PFN2: variants seen among roughly 807,000 people sequenced by gnomAD.
PFN2 encodes profilin 2, also known as profilin-2.
A neutral mutation model predicts 15.3 loss-of-function variants in PFN2; 8 were observed. The observed-to-expected ratio is 0.52, with a 90% CI of 0.31 to 0.95. The LOEUF (loss-of-function observed/expected upper bound fraction) is 0.95, where lower values mean the gene tolerates loss of function less well. Among genes scored for constraint, PFN2 ranks in the 40% least tolerant of loss-of-function variants. The pLI is 0.05. For synonymous variants in PFN2, 79 were observed against 67.9 expected (o/e 1.16, Z -0.81); for missense variants, 111 against 182.3 (o/e 0.61, Z 2.25).
Position 149,970,726 on chromosome 3 carries a change from G to A in PFN2, c.131C>T (p.Thr44Met). Residue 44 changes from threonine to methionine, a missense_variant and splice_region_variant, in exon 1 of 3, where the codon ACG becomes ATG. Transcript: ENST00000239940. ...ATAGGVFQSI[T>M]PIEIDMIVGK... ...GTACCGGCCGCCACTGGTCCTCACC[G>A]TAATGCTCTGAAAGACGCCCCCGGC... 2.0e-6 allele frequency: 3 copies of A among 1,514,318 alleles called. No homozygotes were observed. The highest frequency in any genetic ancestry group is 2.7e-6 in the Non-Finnish European group (3 of 1,127,434). 93.8% of individuals were successfully genotyped at this position (1,514,318 alleles called of 1,614,324 possible). A position where few individuals can be genotyped will look rare whatever the true frequency, so the allele number is the denominator to read the frequency against.
chr3:149,966,713 GAAGTC>G, intron 2 of PFN2, 127 bp from the exon 3 acceptor site: 1 of 714,652 alleles, frequency 1.4e-6, no homozygotes. Context: ...GCCAAGCACT[GAAGTC>G]AAGTAGGTTT....
chr3:149,966,930 C>T (rs1270928186), intron 2 of PFN2, among the ~76,000 whole-genome samples: 1 of 151,192 alleles, frequency 6.6e-6, no homozygotes, highest in East Asian at 1.9e-4. Flanking sequence ...TACTTGCCCC[C>T]AAAATATAAA....
intron 1 of PFN2, 135 bp from the exon 2 acceptor site, chr3:149,968,685 T>C (rs1722758605): frequency 6.1e-6 from 4 of 660,430 alleles, no homozygotes; most frequent in East Asian, 2.6e-5. Context: ...ATTTCACTAA[T>C]GTAAAACCAA....
In PFN2 at chr3:149,965,006, C is replaced by A; in HGVS notation, c.*1483G>T. 1 of 508,660 alleles carries A rather than the reference C, an allele frequency of 2.0e-6. No individual in the cohort carries two copies. The highest frequency in any genetic ancestry group is 3.7e-5 in the Admixed American group (1 of 26,816). The allele number at this position is 508,660 out of a possible 1,614,324, so 31.5% of individuals were successfully genotyped here. A position where few individuals can be genotyped will look rare whatever the true frequency, so the allele number is the denominator to read the frequency against. ...AAATCAGATGAGTTAGACTGTATCC[C>A]AGATGTAACAAAGTGCAGGGAAAGA... On this transcript the variant is annotated 3_prime_UTR_variant, in exon 3 of 3. Coordinates refer to ENST00000239940, the MANE Select transcript of PFN2 (RefSeq NM_053024.4).
At position 149,966,212 on chromosome 3, in the gene PFN2, CTTG is replaced by C; in HGVS notation, c.*274_*276del. The C allele has an allele frequency of 6.2e-7, 1 of 1,613,726 alleles. No individual in the cohort carries two copies. Among genetic ancestry groups the C allele is most frequent in the South Asian group, 1.1e-5 (1 of 91,072 alleles). On this transcript the variant is annotated 3_prime_UTR_variant, in exon 3 of 3. Transcript: ENST00000239940. ...GGTATAAAGCGAGTTCATATGCTTT[CTTG>C]TTAAGTGTGCCTCCGTGGACACCTT...
intron 1 of PFN2, among the ~76,000 whole-genome samples, chr3:149,970,014 G>A (rs1722804504): frequency 6.7e-6 from 1 of 148,934 alleles, no homozygotes; most frequent in African/African-American, 2.5e-5. Flanking sequence ...CATATGAGAA[G>A]AGAAATCAAT....
intron 2 of PFN2, among the ~76,000 whole-genome samples, chr3:149,967,537 C>G (rs1438485514): frequency 6.6e-6 from 1 of 152,196 alleles, no homozygotes; most frequent in Admixed American, 6.5e-5. Flanking sequence ...CATGGTAGAG[C>G]TGTTATTAAA....
At position 149,965,331 on chromosome 3, in the gene PFN2, T is replaced by C; in HGVS notation, c.*1158A>G. 1 of 1,524,220 alleles carries C rather than the reference T, an allele frequency of 6.6e-7. No individual in the cohort carries two copies. Among genetic ancestry groups the C allele is most frequent in the South Asian group, 1.2e-5 (1 of 81,388 alleles). The allele number at this position is 1,524,220 out of a possible 1,614,324, so 94.4% of individuals were successfully genotyped here. ...AAGAACAAACTGGACACACTCCAGA[T>C]GGTTATGTTGGGATACCTAATGTCC... is the stretch of plus-strand genomic sequence containing the variant. On this transcript the variant is annotated 3_prime_UTR_variant, in exon 3 of 3. Coordinates refer to ENST00000239940, the MANE Select transcript of PFN2 (RefSeq NM_053024.4).
Position 149,970,793 on chromosome 3 carries a change from T to C in PFN2, c.64A>G (p.Ile22Val). 6 of 1,513,586 alleles carry C rather than the reference T, an allele frequency of 4.0e-6. No homozygotes were observed. The highest frequency in any genetic ancestry group is 4.4e-6 in the Non-Finnish European group (5 of 1,127,554). The allele number at this position is 1,513,586 out of a possible 1,614,324, so 93.8% of individuals were successfully genotyped here. Residue 22 changes from isoleucine (I) to valine (V), a missense_variant, in exon 1 of 3, where the codon ATT becomes GTT. This residue lies in a region of PFN2 where 64 missense variants were observed against 69.7 expected (regional missense o/e 0.92). Transcript: ENST00000239940. Reference sequence around the variant, plus strand: ...TATTTGGCGTCGCAGTAGCCGACAATGGCGGCCTCCTGGCAGCAGCCATCG... The same window carrying C: ...TATTTGGCGTCGCAGTAGCCGACAACGGCGGCCTCCTGGCAGCAGCCATCG... ...MCDGCCQEAA[I>V]VGYCDAKYVW...
Position 149,970,779 on chromosome 3 carries a change from G to A in PFN2, c.78C>T (p.Cys26=). 2 of 1,516,356 alleles carry A rather than the reference G, an allele frequency of 1.3e-6. No homozygotes were observed. The highest frequency in any genetic ancestry group is 2.7e-5 in the East Asian group (1 of 36,748). 93.9% of individuals were successfully genotyped at this position (1,516,356 alleles called of 1,614,324 possible). The part of the protein sequence containing the change: ...CCQEAAIVGY[C]DAKYVWAATA... ...TGGCTGCCCAGACGTATTTGGCGTC[G>A]CAGTAGCCGACAATGGCGGCCTCCT... Residue 26 remains cysteine (C), a synonymous_variant, in exon 1 of 3, where the codon TGC becomes TGT. Coordinates refer to ENST00000239940, the MANE Select transcript of PFN2 (RefSeq NM_053024.4).
chr3:149,967,349 G>A (rs1239439368), intron 2 of PFN2, among the ~76,000 whole-genome samples: 2 of 152,138 alleles, frequency 1.3e-5, no homozygotes, highest in Non-Finnish European at 2.9e-5. Context: ...CTTCTTTTCA[G>A]CGTATAGTGC....
Position 149,966,499 on chromosome 3 carries a change from G to C in PFN2, c.413C>G (p.Ser138Cys). The change falls in exon 3 of 3, where the codon TCT (serine) becomes TGT (cysteine). Residue 138 changes from serine to cysteine, a missense_variant. Physicochemically the swap from Ser to Cys is moderately radical, Grantham distance 112. Transcript: ENST00000239940. ...CAGTCTGCCTAGCAGCTAGAACCCA[G>C]AGTCTCTCAAGTATTTTGCCATTGA... ...AYSMAKYLRD[S>C]GF The C allele has an allele frequency of 6.2e-7, 1 of 1,612,766 alleles. No individual in the cohort carries two copies. Among genetic ancestry groups the C allele is most frequent in the Non-Finnish European group, 8.5e-7 (1 of 1,178,912 alleles).
Position 149,966,007 on chromosome 3 carries a change from A to G in PFN2, c.*482T>C, listed in dbSNP as rs1722680049. ...ATGTTGCCAGATAAGGGTTGGTTACATACAGTGGTTAACATACAAATGATC... is the reference window on the plus strand; with the variant it reads ...ATGTTGCCAGATAAGGGTTGGTTACGTACAGTGGTTAACATACAAATGATC... On this transcript the variant is annotated 3_prime_UTR_variant, in exon 3 of 3. Coordinates refer to ENST00000239940, the MANE Select transcript of PFN2 (RefSeq NM_053024.4). 1 of 1,445,560 alleles carries G rather than the reference A, an allele frequency of 6.9e-7. No individual in the cohort carries two copies. Among genetic ancestry groups the G allele is most frequent in the African/African-American group, 1.4e-5 (1 of 70,254 alleles). 89.5% of individuals were successfully genotyped at this position (1,445,560 alleles called of 1,614,324 possible).
At chr3:149,970,096 TTCACGAA>T (rs1722807868) in intron 1 of PFN2, among the ~76,000 whole-genome samples, 1 of 150,012 alleles carries the variant, frequency 6.7e-6, no homozygotes, top group African/African-American at 2.4e-5. Flanking sequence ...GAAGTCGAGA[TTCACGAA>T]TCCACCTACG....
Position 149,965,853 on chromosome 3 carries a change from CCTTG to C in PFN2, c.*632_*635del, listed in dbSNP as rs565331418. 1.3e-3 allele frequency: 1,442 copies of C among 1,152,926 alleles called. 2 individuals are homozygous for C. Among genetic ancestry groups the C allele is most frequent in the Non-Finnish European group, 1.5e-3 (1,365 of 935,228 alleles). 71.4% of individuals were successfully genotyped at this position (1,152,926 alleles called of 1,614,324 possible). A position where few individuals can be genotyped will look rare whatever the true frequency, so the allele number is the denominator to read the frequency against. ...CTGATCAGAGATTGTACAACCGGCA[CCTTG>C]CTTAATATTAACTTATTTTAGTAAT... On this transcript the variant is annotated 3_prime_UTR_variant, in exon 3 of 3. Coordinates refer to ENST00000239940, the MANE Select transcript of PFN2 (RefSeq NM_053024.4).
In PFN2 at chr3:149,970,804, TG is replaced by T; in HGVS notation, c.52del (p.Gln18ArgfsTer29). On this transcript the variant is annotated frameshift_variant, in exon 1 of 3. Transcript: ENST00000239940. LOFTEE classifies it high-confidence loss of function. ...GCAGTAGCCGACAATGGCGGCCTCCTGGCAGCAGCCATCGCACATCAGGTTA... is the reference window on the plus strand; with the variant it reads ...GCAGTAGCCGACAATGGCGGCCTCCTGCAGCAGCCATCGCACATCAGGTTA... ...VDNLMCDGCC[Q>X]EAAIVGYCDA... The T allele has an allele frequency of 6.6e-7, 1 of 1,512,576 alleles. No homozygotes were observed. Among genetic ancestry groups the T allele is most frequent in the Non-Finnish European group, 8.9e-7 (1 of 1,127,074 alleles). The allele number at this position is 1,512,576 out of a possible 1,614,324, so 93.7% of individuals were successfully genotyped here. A position where few individuals can be genotyped will look rare whatever the true frequency, so the allele number is the denominator to read the frequency against.
At chr3:149,969,781 T>C (rs1021763525) in intron 1 of PFN2, among the ~76,000 whole-genome samples, 1 of 152,020 alleles carries the variant, frequency 6.6e-6, no homozygotes, top group African/African-American at 2.4e-5. Context: ...GCAAATATTC[T>C]CCAAACATAT....
chr3:149,965,232 T>C lies in PFN2; in HGVS notation c.*1257A>G. The C allele has an allele frequency of 6.6e-7, 1 of 1,523,850 alleles. No homozygotes were observed. The highest frequency in any genetic ancestry group is 1.5e-5 in the African/African-American group (1 of 65,184). 94.4% of individuals were successfully genotyped at this position (1,523,850 alleles called of 1,614,324 possible). On this transcript the variant is annotated 3_prime_UTR_variant, in exon 3 of 3. Transcript: ENST00000239940. ...ACAGAATACATATGAAAAAAATTCATCACAAGACAGCCAAGTCCACAATAA... is the reference window on the plus strand; with the variant it reads ...ACAGAATACATATGAAAAAAATTCACCACAAGACAGCCAAGTCCACAATAA...
At chr3:149,967,305 T>C (rs1722719422) in intron 2 of PFN2, among the ~76,000 whole-genome samples, 1 of 152,344 alleles carries the variant, frequency 6.6e-6, no homozygotes, top group African/African-American at 2.4e-5. Flanking sequence ...CTGTATCGTA[T>C]AAAATATTCT....
Sources: gnomAD v4.1 joint callset for allele counts (sites outside exome capture counted in the v4.1 genomes callset) on GRCh38, gnomAD v4.1.1 for gene constraint, gnomAD v4.1.1 regional missense constraint, MANE v1.5 for transcripts, NCBI Gene and HGNC (gene_info 2026-07-23, HGNC 2026-07-21) for gene names.